Variants in THUMPD2 observed in about 807,000 individuals in gnomAD.
The protein encoded by THUMPD2 is THUMP domain 2 tRNA and snRNA guanosine methyltransferase.
THUMPD2 carries 56 observed loss-of-function variants against 49.4 expected under a neutral mutation model. The ratio of observed to expected loss-of-function variants is 1.13; its 90% CI spans 0.91 to 1.41. The LOEUF is 1.41. THUMPD2 is among the 40% of genes most tolerant of loss of function. The pLI is 0.00. For missense variants in THUMPD2, 709 were observed against 594.5 expected, an observed-to-expected ratio of 1.19 and a Z score of -2.00; for synonymous variants, 237 against 205.2, an observed-to-expected ratio of 1.15 and a Z score of -1.32.
Position 39,766,071 on chromosome 2 carries a change from C to T in THUMPD2, c.789G>A (p.Gly263=), listed in dbSNP as rs780324506. The T allele has an allele frequency of 6.3e-7, 1 of 1,584,084 alleles. No individual in the cohort carries two copies. Among genetic ancestry groups the T allele is most frequent in the East Asian group, 2.4e-5 (1 of 42,398 alleles). ...AGAATATCTACCTGAACACAGGAAT[C>T]CCCACCACAGAGTAAATGTCATTTA... ...IHLNDIYSVV[G]IPVFRVSLAS... Residue 263 remains glycine (G), a synonymous_variant, in exon 5 of 10, where the codon GGG becomes GGA. Transcript: ENST00000505747.
chr2:39,741,533 T>C (rs1673896098), intron 9 of THUMPD2, among the ~76,000 whole-genome samples: 1 of 152,186 alleles, frequency 6.6e-6, no homozygotes, highest in African/African-American at 2.4e-5. Context: ...TTTTTAATTT[T>C]GCTCATGTAT....
At chr2:39,752,541 G>A (rs1298894669) in intron 8 of THUMPD2, among the ~76,000 whole-genome samples, 1 of 152,182 alleles carries the variant, frequency 6.6e-6, no homozygotes, top group Non-Finnish European at 1.5e-5. Context: ...TACCTCTGAA[G>A]TAGGTGCAAT....
chr2:39,771,801 C>T (rs1266422378), intron 1 of THUMPD2, among the ~76,000 whole-genome samples, 161 bp from the exon 2 acceptor site: 1 of 152,104 alleles, frequency 6.6e-6, no homozygotes, highest in East Asian at 1.9e-4. Context: ...AAGTATTTTC[C>T]TCCTTATCCT....
chr2:39,770,973 A>G (rs948491764), intron 2 of THUMPD2, among the ~76,000 whole-genome samples: 1 of 152,150 alleles, frequency 6.6e-6, no homozygotes, highest in Non-Finnish European at 1.5e-5. Flanking sequence ...TTTTAGCAGC[A>G]TATTTATAAA....
chr2:39,772,551 G>A (rs545819905), intron 1 of THUMPD2, among the ~76,000 whole-genome samples: 1 of 152,310 alleles, frequency 6.6e-6, no homozygotes, highest in African/African-American at 2.4e-5. Context: ...AGGTTTTGGA[G>A]ACAGGATGGA....
In THUMPD2 at chr2:39,736,604, C is replaced by T. The variant is rs1673107915; in HGVS notation, c.*131G>A. 1 of 733,528 alleles carries T rather than the reference C, an allele frequency of 1.4e-6. No homozygotes were observed. Among genetic ancestry groups the T allele is most frequent in the Non-Finnish European group, 2.2e-6 (1 of 458,120 alleles). The allele number at this position is 733,528 out of a possible 1,614,324, so 45.4% of individuals were successfully genotyped here. On this transcript the variant is annotated 3_prime_UTR_variant, in exon 10 of 10. Coordinates refer to ENST00000505747, the MANE Select transcript of THUMPD2 (RefSeq NM_025264.5). Reference sequence around the variant, plus strand: ...TTACCAAGCATGTGTACCCATCAGCCACACCTCCTGTCTTTGGGGGAATTT... The same window carrying T: ...TTACCAAGCATGTGTACCCATCAGCTACACCTCCTGTCTTTGGGGGAATTT...
At chr2:39,738,380 T>A (rs1179359188) in intron 9 of THUMPD2, among the ~76,000 whole-genome samples, 5 of 151,868 alleles carry the variant, frequency 3.3e-5, no homozygotes, top group African/African-American at 1.2e-4. Flanking sequence ...CTGGGCAACA[T>A]GGCAAAACAT....
intron 9 of THUMPD2, among the ~76,000 whole-genome samples, chr2:39,743,617 G>C (rs1030675111): frequency 1.3e-5 from 2 of 152,106 alleles, no homozygotes. Context: ...ATTAGTTCCA[G>C]GGAAAGCTGG....
At chr2:39,758,756 C>G (rs529542462) in intron 6 of THUMPD2, among the ~76,000 whole-genome samples, 12 of 141,856 alleles carry the variant, frequency 8.5e-5, no homozygotes, top group Non-Finnish European at 1.4e-4. Flanking sequence ...AAACAAAACA[C>G]AAAAACAAAC....
Position 39,768,003 on chromosome 2 carries a change from C to T in THUMPD2, c.750+421G>A, listed in dbSNP as rs1450352162. Among the ~76,000 whole-genome samples, 3 of 152,208 alleles carry T rather than the reference C, an allele frequency of 2.0e-5. No homozygotes were observed. In the East Asian group the frequency reaches 5.8e-4, roughly 29 times the overall value. On this transcript the variant is annotated intron_variant, in intron 4 of 9. Coordinates refer to ENST00000505747, the MANE Select transcript of THUMPD2 (RefSeq NM_025264.5). ...CCTTATTAATTTTGGAAAATAAAAACATAATCCCATACCCATAACAAAGCC... is the reference window on the plus strand; with the variant it reads ...CCTTATTAATTTTGGAAAATAAAAATATAATCCCATACCCATAACAAAGCC...
intron 1 of THUMPD2, among the ~76,000 whole-genome samples, chr2:39,776,211 G>A (rs999714994): frequency 1.3e-5 from 2 of 152,088 alleles, no homozygotes; most frequent in African/African-American, 4.8e-5. Context: ...TTGTAGATAT[G>A]TAAATTAAAT....
chr2:39,778,618 G>A (rs770153560), intron 1 of THUMPD2, among the ~76,000 whole-genome samples: 2 of 152,198 alleles, frequency 1.3e-5, no homozygotes, highest in Non-Finnish European at 2.9e-5. Flanking sequence ...GCCTGCAAGA[G>A]TATATTATTT....
rs74964172 is a variant in THUMPD2, at chr2:39,748,034, C to G, written c.1079-3556G>C. ...TAAGTCTTGTGCATTGTTGAGCTTT[C>G]AATATTTGTTCATTTCTTCGTGTTT... On this transcript the variant is annotated intron_variant, in intron 8 of 9. Coordinates refer to ENST00000505747, the MANE Select transcript of THUMPD2 (RefSeq NM_025264.5). Among the ~76,000 whole-genome samples, 208 of 152,266 alleles carry G rather than the reference C, an allele frequency of 1.4e-3. 4 individuals are homozygous for G. In the East Asian group the frequency reaches 0.032, roughly 24 times the overall value.
At chr2:39,766,130 G>A (rs1373416864) in intron 4 of THUMPD2, 21 bp from the exon 5 acceptor site, 3 of 1,530,064 alleles carry the variant, frequency 2.0e-6, no homozygotes, top group Non-Finnish European at 2.6e-6. Flanking sequence ...AAACACAGAA[G>A]TTAGAATGGA....
At chr2:39,758,857 C>T (rs1479482478) in intron 6 of THUMPD2, among the ~76,000 whole-genome samples, 1 of 150,664 alleles carries the variant, frequency 6.6e-6, no homozygotes, top group African/African-American at 2.4e-5. Flanking sequence ...GAACACACAC[C>T]CAGTAAAATA....
At chr2:39,761,485 C>T (rs951076942) in intron 5 of THUMPD2, 67 bp from the exon 6 acceptor site, 55 of 1,372,306 alleles carry the variant, frequency 4.0e-5, no homozygotes, top group Middle Eastern at 3.6e-4. Flanking sequence ...AATGATTTAC[C>T]TGTCCAAATC....
intron 9 of THUMPD2, among the ~76,000 whole-genome samples, chr2:39,738,658 AT>A (rs1673483109): frequency 8.2e-6 from 1 of 121,950 alleles, no homozygotes; most frequent in East Asian, 2.8e-4. Flanking sequence ...TTATATACAT[AT>A]AAATTATATG....
At chr2:39,769,126 C>T in intron 3 of THUMPD2, 1 of 1,293,670 alleles carries the variant, frequency 7.7e-7, no homozygotes. Flanking sequence ...AAGCACAAAG[C>T]TGAACTGAAG....
chr2:39,778,466 G>A (rs144381964), intron 1 of THUMPD2, among the ~76,000 whole-genome samples: 34 of 152,284 alleles, frequency 2.2e-4, no homozygotes, highest in African/African-American at 8.2e-4. Context: ...CACTCACAGT[G>A]TCCCATACAC....
Sources: gnomAD v4.1 joint callset for allele counts (sites outside exome capture counted in the v4.1 genomes callset) on GRCh38, gnomAD v4.1.1 for gene constraint, MANE v1.5 for transcripts, NCBI Gene and HGNC (gene_info 2026-07-23, HGNC 2026-07-21) for gene names.